The following SMC5 variants were observed in gnomAD, a reference collection of about 807,000 sequenced individuals.
The protein encoded by SMC5 is structural maintenance of chromosomes 5, also known as structural maintenance of chromosomes protein 5.
SMC5 carries 88 observed loss-of-function variants against 148.3 expected under a neutral mutation model. That is an observed-to-expected ratio of 0.59 (90% CI 0.50 to 0.71). The LOEUF is 0.71. Among genes scored for constraint, SMC5 ranks in the 30% least tolerant of loss-of-function variants. The pLI, the probability that SMC5 is intolerant of heterozygous loss-of-function variation, is 0.00. For synonymous variants in SMC5, 421 were observed against 432.8 expected (o/e 0.97, Z 0.34); for missense variants, 1,142 against 1,298.9 (o/e 0.88, Z 1.86).
chr9:70,267,373 T>A (rs1029773896), intron 2 of SMC5, among the ~76,000 whole-genome samples: 2 of 152,202 alleles, frequency 1.3e-5, no homozygotes, highest in Non-Finnish European at 2.9e-5. Context: ...ATATGTCTGC[T>A]TTATCATGTA....
chr9:70,300,466 T>A (rs1351425896), intron 10 of SMC5, among the ~76,000 whole-genome samples: 1 of 152,070 alleles, frequency 6.6e-6, no homozygotes, highest in African/African-American at 2.4e-5. Flanking sequence ...ATTAGTTTGG[T>A]TAGCTGGTTC....
intron 22 of SMC5, 133 bp from the exon 23 acceptor site, chr9:70,349,981 G>A (rs2036764737): frequency 2.1e-6 from 1 of 472,460 alleles, no homozygotes; most frequent in African/African-American, 2.0e-5. Context: ...TATATTTATT[G>A]TTACATATTT....
intron 4 of SMC5, among the ~76,000 whole-genome samples, chr9:70,278,002 C>A (rs2034639958): frequency 6.8e-6 from 1 of 147,350 alleles, no homozygotes; most frequent in Non-Finnish European, 1.5e-5. Context: ...ATATTAATTT[C>A]TTTTTTGTTC....
intron 3 of SMC5, 92 bp from the exon 4 acceptor site, chr9:70,277,218 G>A: frequency 1.1e-6 from 1 of 945,768 alleles, no homozygotes. Context: ...ATTCTATCTG[G>A]CACCTTTTGT....
chr9:70,345,167 A>G (rs1326738726), intron 18 of SMC5, among the ~76,000 whole-genome samples: 1 of 108,666 alleles, frequency 9.2e-6, no homozygotes, highest in Non-Finnish European at 2.4e-5. Context: ...AAATATAAGT[A>G]CAATCTACTA....
Position 70,352,313 on chromosome 9 carries a change from A to G in SMC5, c.3288A>G (p.Thr1096=), listed in dbSNP as rs771975491. 6.2e-7 allele frequency: 1 copy of G among 1,604,558 alleles called. No homozygotes were observed. Among genetic ancestry groups the G allele is most frequent in the Non-Finnish European group, 8.5e-7 (1 of 1,176,638 alleles). ...TCCAAAGGCGGCGGCGCCGTATTACATTCACTCAACCTTCTTAATAAAAGT... is the reference window on the plus strand; with the variant it reads ...TCCAAAGGCGGCGGCGCCGTATTACGTTCACTCAACCTTCTTAATAAAAGT... ...KAFQRRRRRI[T]FTQPS is the part of the protein sequence containing the mutation. Residue 1096 remains threonine (T), a synonymous_variant, in exon 25 of 25, where the codon ACA becomes ACG. Coordinates refer to ENST00000361138, the MANE Select transcript of SMC5 (RefSeq NM_015110.4).
intron 17 of SMC5, among the ~76,000 whole-genome samples, chr9:70,337,281 C>T (rs1014812106): frequency 7.9e-5 from 12 of 152,136 alleles, no homozygotes; most frequent in Admixed American, 1.3e-4. Context: ...AGTATGAAAT[C>T]AATGGCTTTG....
Position 70,300,127 on chromosome 9 carries a change from A to G in SMC5, c.1391A>G (p.Tyr464Cys). 13 of 1,603,960 alleles carry G rather than the reference A, an allele frequency of 8.1e-6. No homozygotes were observed. Among genetic ancestry groups the G allele is most frequent in the South Asian group, 1.1e-5 (1 of 88,878 alleles). The change falls in exon 10 of 25, where the codon TAT (tyrosine) becomes TGT (cysteine). Residue 464 changes from tyrosine (Y) to cysteine (C), a missense_variant. Transcript: ENST00000361138. The part of the protein sequence containing the change: ...DKLRQRFRDT[Y>C]DAVLWLRNNR... ...CTAAGACAGAGATTCCGTGACACGT[A>G]TGATGCTGTTTTATGGCTAAGAAAT... is the stretch of plus-strand genomic sequence containing the variant.
At chr9:70,264,200 G>T in intron 1 of SMC5, 104 bp from the exon 2 acceptor site, 2 of 970,768 alleles carry the variant, frequency 2.1e-6, no homozygotes, top group Non-Finnish European at 2.9e-6. Flanking sequence ...AATTTGTAAG[G>T]TTAGCTAGTT....
At chr9:70,338,523 G>GC (rs1564069031) in intron 17 of SMC5, among the ~76,000 whole-genome samples, 2 of 149,332 alleles carry the variant, frequency 1.3e-5, no homozygotes. Flanking sequence ...TTAACTGCCA[G>GC]AAAAAAAAAA....
At chr9:70,292,245 T>A (rs1315064523) in intron 8 of SMC5, among the ~76,000 whole-genome samples, 1 of 152,192 alleles carries the variant, frequency 6.6e-6, no homozygotes, top group Non-Finnish European at 1.5e-5. Flanking sequence ...TAATAGGAAT[T>A]TCATTAAACA....
intron 1 of SMC5, among the ~76,000 whole-genome samples, chr9:70,259,903 C>T (rs911450640): frequency 1.3e-5 from 2 of 151,662 alleles, no homozygotes; most frequent in African/African-American, 4.8e-5. Flanking sequence ...TTGCCTAGCA[C>T]CTTCCAGTTC....
At chr9:70,304,490 C>A (rs907577453) in intron 10 of SMC5, among the ~76,000 whole-genome samples, 1 of 152,092 alleles carries the variant, frequency 6.6e-6, no homozygotes, top group Admixed American at 6.6e-5. Flanking sequence ...AGTTCGAGAC[C>A]AGCCTGGCCA....
chr9:70,318,174 AAT>A (rs1296419110), intron 13 of SMC5, among the ~76,000 whole-genome samples: 2 of 152,170 alleles, frequency 1.3e-5, no homozygotes, highest in East Asian at 3.9e-4. Flanking sequence ...CAGAGGCAGG[AAT>A]TCAAGACCAG....
At chr9:70,275,923 A>C (rs1212735295) in intron 3 of SMC5, among the ~76,000 whole-genome samples, 1 of 152,142 alleles carries the variant, frequency 6.6e-6, no homozygotes, top group African/African-American at 2.4e-5. Context: ...TCATCCAAAT[A>C]TCTTTAATAT....
intron 3 of SMC5, among the ~76,000 whole-genome samples, chr9:70,272,096 G>T (rs771386617): frequency 2.6e-5 from 4 of 152,164 alleles, no homozygotes; most frequent in African/African-American, 9.7e-5. Context: ...ATAGAACAAC[G>T]CTATGAGAGA....
intron 16 of SMC5, 25 bp downstream of exon 16, chr9:70,323,631 C>A: frequency 1.3e-6 from 2 of 1,594,010 alleles, no homozygotes; most frequent in South Asian, 2.3e-5. Flanking sequence ...TAATTTTAGT[C>A]ATTTTTTAAA....
At chr9:70,280,729 A>G (rs1380130101) in intron 5 of SMC5, 30 bp from the exon 6 acceptor site, 4 of 1,573,004 alleles carry the variant, frequency 2.5e-6, no homozygotes, top group African/African-American at 1.4e-5. Context: ...TTTTCTGTCA[A>G]ACTGATTGTT....
At chr9:70,299,767 AGT>A (rs933987802) in intron 9 of SMC5, among the ~76,000 whole-genome samples, 1 of 150,988 alleles carries the variant, frequency 6.6e-6, no homozygotes, top group Non-Finnish European at 1.5e-5. Context: ...TAGGAAATCT[AGT>A]GTTTTCCTTG....
Sources: allele counts gnomAD v4.1 joint callset (sites outside exome capture counted in the v4.1 genomes callset), GRCh38; gene constraint gnomAD v4.1.1; transcripts MANE v1.5; gene names NCBI Gene and HGNC (gene_info 2026-07-23, HGNC 2026-07-21).